The following SORCS3 variants were observed in gnomAD, a reference collection of about 807,000 sequenced individuals.
The protein encoded by SORCS3 is VPS10 domain-containing receptor SorCS3.
SORCS3 carries 57 observed loss-of-function variants against 146.3 expected under a neutral mutation model. The observed-to-expected ratio is 0.39, with a 90% CI of 0.31 to 0.49. The LOEUF is 0.49. Ranked by LOEUF, SORCS3 falls within the 20% of genes least tolerant of loss-of-function variation. The pLI is 0.92. For missense variants in SORCS3, 1,341 were observed against 1,575.5 expected, an observed-to-expected ratio of 0.85 and a Z score of 2.52; for synonymous variants, 653 against 618.5, an observed-to-expected ratio of 1.06 and a Z score of -0.83.
At chr10:105,086,022 C>T (rs931762670) in intron 5 of SORCS3, among the ~76,000 whole-genome samples, 2 of 151,806 alleles carry the variant, frequency 1.3e-5, no homozygotes, top group African/African-American at 4.8e-5. Flanking sequence ...ATATGTACAT[C>T]GTTTTTATAG....
At chr10:104,907,078 G>A (rs556590359) in intron 2 of SORCS3, among the ~76,000 whole-genome samples, 1 of 151,804 alleles carries the variant, frequency 6.6e-6, no homozygotes, top group Middle Eastern at 3.4e-3. Flanking sequence ...AGACTTTTCA[G>A]GTCAATAACT....
chr10:104,735,363 G>T (rs969210391), intron 1 of SORCS3, among the ~76,000 whole-genome samples: 15 of 150,614 alleles, frequency 1.0e-4, no homozygotes, highest in African/African-American at 3.7e-4. Context: ...CCGGAGATGC[G>T]TCCTCAGCTG....
At chr10:105,067,023 G>T (rs894848515) in intron 5 of SORCS3, among the ~76,000 whole-genome samples, 1 of 151,984 alleles carries the variant, frequency 6.6e-6, no homozygotes, top group Admixed American at 6.6e-5. Flanking sequence ...TTTTAATCTT[G>T]TCTCTTCCCA....
intron 2 of SORCS3, among the ~76,000 whole-genome samples, chr10:104,900,750 C>T (rs2018843463): frequency 6.6e-6 from 1 of 151,804 alleles, no homozygotes; most frequent in Non-Finnish European, 1.5e-5. Context: ...ATTAATTACC[C>T]AGCTGTGGTG....
At chr10:104,681,345 G>T (rs890957262) in intron 1 of SORCS3, among the ~76,000 whole-genome samples, 1 of 152,122 alleles carries the variant, frequency 6.6e-6, no homozygotes, top group Admixed American at 6.5e-5. Context: ...GCCCGCCCCT[G>T]CCTGCAGTGT....
chr10:105,239,795 C>T (rs775479388), intron 20 of SORCS3, among the ~76,000 whole-genome samples: 23 of 152,116 alleles, frequency 1.5e-4, no homozygotes, highest in Non-Finnish European at 3.1e-4. Context: ...GTAGATGAAC[C>T]TTAAAATACT....
chr10:104,821,107 T>C (rs891909118), intron 1 of SORCS3, among the ~76,000 whole-genome samples: 2 of 152,198 alleles, frequency 1.3e-5, no homozygotes, highest in African/African-American at 4.8e-5. Context: ...GGCTTGTGCA[T>C]TCTTGGCTGC....
intron 6 of SORCS3, 81 bp downstream of exon 6, chr10:105,089,920 C>A (rs537922449): frequency 4.4e-6 from 5 of 1,128,932 alleles, no homozygotes; most frequent in Admixed American, 1.8e-5. Flanking sequence ...ATTTTAATAT[C>A]TTGGGAAGAT....
chr10:105,085,187 G>T (rs1383337841), intron 5 of SORCS3, among the ~76,000 whole-genome samples: 4 of 152,184 alleles, frequency 2.6e-5, no homozygotes. Context: ...GAATGAGTAG[G>T]ACATCTTCCA....
chr10:105,148,319 C>T (rs1271986199), intron 9 of SORCS3, among the ~76,000 whole-genome samples: 3 of 151,978 alleles, frequency 2.0e-5, no homozygotes, highest in African/African-American at 2.4e-5. Context: ...AAAAACTGGC[C>T]TTGACATAAG....
intron 1 of SORCS3, among the ~76,000 whole-genome samples, chr10:104,734,224 T>G (rs956192197): frequency 6.6e-6 from 1 of 152,220 alleles, no homozygotes; most frequent in Admixed American, 6.5e-5. Flanking sequence ...TGTGCTCTAA[T>G]TTTTACCATT....
intron 1 of SORCS3, among the ~76,000 whole-genome samples, chr10:104,797,845 A>G (rs1326440651): frequency 1.3e-5 from 2 of 152,164 alleles, no homozygotes; most frequent in African/African-American, 2.4e-5. Flanking sequence ...AGATTAGAGA[A>G]AAAAAGTATC....
At chr10:104,766,069 A>G (rs1252263446) in intron 1 of SORCS3, among the ~76,000 whole-genome samples, 4 of 152,186 alleles carry the variant, frequency 2.6e-5, no homozygotes, top group African/African-American at 9.7e-5. Flanking sequence ...TTGAAACAAT[A>G]CTTCTTCTTG....
intron 4 of SORCS3, among the ~76,000 whole-genome samples, chr10:105,027,629 G>A (rs887412293): frequency 6.6e-6 from 1 of 152,164 alleles, no homozygotes; most frequent in African/African-American, 2.4e-5. Context: ...TGAGCCACAT[G>A]ATGGGCACAT....
intron 6 of SORCS3, among the ~76,000 whole-genome samples, chr10:105,094,040 C>T (rs1487285291): frequency 6.6e-6 from 1 of 152,106 alleles, no homozygotes; most frequent in Non-Finnish European, 1.5e-5. Context: ...TAGGATGCTA[C>T]TCGGTATTAC....
intron 1 of SORCS3, among the ~76,000 whole-genome samples, chr10:104,713,964 C>T (rs1002571661): frequency 4.6e-5 from 7 of 152,036 alleles, no homozygotes; most frequent in African/African-American, 1.7e-4. Context: ...ATTTATTTCT[C>T]CTTGTGTGAG....
intron 4 of SORCS3, among the ~76,000 whole-genome samples, chr10:104,986,567 G>A (rs1023472008): frequency 3.3e-5 from 5 of 152,166 alleles, no homozygotes; most frequent in African/African-American, 9.7e-5. Flanking sequence ...GGCTTTCAAC[G>A]TGCCTTCCTT....
intron 25 of SORCS3, among the ~76,000 whole-genome samples, chr10:105,257,755 T>C (rs2056939784): frequency 6.6e-6 from 1 of 152,178 alleles, no homozygotes; most frequent in Non-Finnish European, 1.5e-5. Context: ...GATTTAAATG[T>C]CATAGTGTGT....
chr10:105,242,421 T>C (rs2056831243), intron 20 of SORCS3, among the ~76,000 whole-genome samples: 2 of 89,392 alleles, frequency 2.2e-5, no homozygotes, highest in East Asian at 2.8e-4. Flanking sequence ...TATATATATT[T>C]ATATATTTAT....
Sources: allele counts gnomAD v4.1 joint callset (sites outside exome capture counted in the v4.1 genomes callset), GRCh38; gene constraint gnomAD v4.1.1; transcripts MANE v1.5; gene names NCBI Gene and HGNC (gene_info 2026-07-23, HGNC 2026-07-21).